The following CREB1 variants were observed in gnomAD, a reference collection of about 807,000 sequenced individuals.
The protein encoded by CREB1 is cyclic AMP-responsive element-binding protein 1.
In CREB1, 2 loss-of-function variants were observed where a neutral mutation model predicts 42.0. The observed-to-expected ratio is 0.05, with a 90% confidence interval of 0.02 to 0.15. The LOEUF (loss-of-function observed/expected upper bound fraction) is 0.15, where lower values mean the gene tolerates loss of function less well. CREB1 is among the 10% of genes least tolerant of loss of function. The pLI, the probability that CREB1 is intolerant of heterozygous loss-of-function variation, is 1.00. For synonymous variants in CREB1, 123 were observed against 139.9 expected, an observed-to-expected ratio of 0.88 and a Z score of 0.85; for missense variants, 199 against 388.9, an observed-to-expected ratio of 0.51 and a Z score of 4.11.
At chr2:207,555,170 G>T (rs2081666004) in intron 1 of CREB1, among the ~76,000 whole-genome samples, 2 of 152,104 alleles carry the variant, frequency 1.3e-5, no homozygotes, top group South Asian at 2.1e-4. Context: ...TCCTTCTTAT[G>T]GGGGGAAATA....
intron 5 of CREB1, among the ~76,000 whole-genome samples, chr2:207,572,801 G>A (rs965750505): frequency 6.7e-5 from 10 of 149,564 alleles, no homozygotes; most frequent in Non-Finnish European, 1.0e-4. Context: ...GGGCAACAGC[G>A]AGACTCCATC....
At chr2:207,570,994 T>G (rs1460794915) in intron 5 of CREB1, among the ~76,000 whole-genome samples, 1 of 149,204 alleles carries the variant, frequency 6.7e-6, no homozygotes, top group Non-Finnish European at 1.5e-5. Context: ...AAAGCATTTG[T>G]GTGAATGGTA....
chr2:207,533,757 G>A (rs1020117360), intron 1 of CREB1, among the ~76,000 whole-genome samples: 1 of 151,692 alleles, frequency 6.6e-6, no homozygotes, highest in Non-Finnish European at 1.5e-5. Flanking sequence ...AGTATCACTT[G>A]AGACAGCAGT....
chr2:207,588,082 A>G (rs1449253649), intron 7 of CREB1, among the ~76,000 whole-genome samples: 2 of 152,132 alleles, frequency 1.3e-5, no homozygotes, highest in Middle Eastern at 3.2e-3. Context: ...ATTTTATGTC[A>G]ACTAAAAATA....
At chr2:207,554,073 G>A (rs997480661) in intron 1 of CREB1, among the ~76,000 whole-genome samples, 1 of 152,082 alleles carries the variant, frequency 6.6e-6, no homozygotes, top group Non-Finnish European at 1.5e-5. Flanking sequence ...ATACTGTTGA[G>A]CTACATCTCT....
chr2:207,530,618 G>A (rs1485331181), intron 1 of CREB1, among the ~76,000 whole-genome samples: 1 of 149,058 alleles, frequency 6.7e-6, no homozygotes, highest in African/African-American at 2.4e-5. Flanking sequence ...GGCCCGACCC[G>A]GCCGGGCCTC....
chr2:207,567,491 C>T lies in CREB1; in HGVS notation c.290C>T (p.Ser97Leu). 2 of 1,610,382 alleles carry T rather than the reference C, an allele frequency of 1.2e-6. No individual in the cohort carries two copies. The highest frequency in any genetic ancestry group is 1.7e-6 in the Non-Finnish European group (2 of 1,177,616). ...QISTIAESED[S>L]QESVDSVTDS... ...TCAACTATTGCAGAAAGTGAAGATT[C>T]ACAGGAGTCAGTGGATAGTGTAACT... The change falls in exon 4 of 8, where the codon TCA becomes TTA. Residue 97 changes from serine (S) to leucine (L), a missense_variant. Physicochemically the swap from Ser to Leu is moderately radical, Grantham distance 145 (BLOSUM62 -2). This residue lies in a region of CREB1 where 66 missense variants were observed against 150.8 expected (regional missense o/e 0.44). Transcript: ENST00000353267.
Position 207,544,979 on chromosome 2 carries a change from G to GT in CREB1, c.-8-10647dup, listed in dbSNP as rs576108159. 6.6e-5 allele frequency among the ~76,000 whole-genome samples: 10 copies of GT among 152,222 alleles called. No homozygotes were observed. The South Asian group carries it at 2.1e-3, about 32-fold the overall frequency. On this transcript the variant is annotated intron_variant, in intron 1 of 7. Transcript: ENST00000353267. ...TAGTCTGTCATTGATGGGCATTTAG[G>GT]TTGATTGCATGTCTTCGCTATTGTG...
Position 207,603,934 on chromosome 2 carries a change from T to C in CREB1, c.*6876T>C, listed in dbSNP as rs1052452642. 2.6e-5 allele frequency among the ~76,000 whole-genome samples: 4 copies of C among 152,236 alleles called. No individual in the cohort carries two copies. Among genetic ancestry groups the C allele is most frequent in the African/African-American group, 4.8e-5 (2 of 41,466 alleles). ...TGAAAATAAGCAGCTGCATTATTTG[T>C]ATGTTTCTTCACTGCCAAGATGTGT... On this transcript the variant is annotated 3_prime_UTR_variant, in exon 8 of 8. Coordinates refer to ENST00000353267, the MANE Select transcript of CREB1 (RefSeq NM_004379.5).
intron 3 of CREB1, 97 bp downstream of exon 3, chr2:207,560,469 T>G: frequency 8.3e-7 from 1 of 1,203,558 alleles, no homozygotes; most frequent in Middle Eastern, 2.0e-4. Flanking sequence ...ACACATCTAG[T>G]TCAGTTTATT....
At position 207,588,536 on chromosome 2, in the gene CREB1, C is replaced by T. The variant is rs115214900; in HGVS notation, c.840-8378C>T. Among the ~76,000 whole-genome samples, 231 of 152,052 alleles carry T rather than the reference C, an allele frequency of 1.5e-3. 1 individual carries two copies. Among genetic ancestry groups the T allele is most frequent in the East Asian group, 5.8e-3 (30 of 5,178 alleles). On this transcript the variant is annotated intron_variant, in intron 7 of 7. Coordinates refer to ENST00000353267, the MANE Select transcript of CREB1 (RefSeq NM_004379.5). ...GCACTTTAATGTATATTTTATAATC[C>T]GCTTGTTGATGTCTACGGAAAGTGT...
At chr2:207,561,150 C>G in intron 3 of CREB1, 1 of 1,612,988 alleles carries the variant, frequency 6.2e-7, no homozygotes. Context: ...AGACTTTTCT[C>G]CGGAACACAG....
intron 6 of CREB1, among the ~76,000 whole-genome samples, chr2:207,575,946 C>CG (rs1553503396): frequency 1.5e-5 from 1 of 68,222 alleles, no homozygotes; most frequent in Non-Finnish European, 3.9e-5. Flanking sequence ...CCCCCCCCCC[C>CG]CCAAAAGAAA....
At chr2:207,577,710 T>A (rs780638968) in intron 7 of CREB1, 55 bp downstream of exon 7, 1 of 1,581,570 alleles carries the variant, frequency 6.3e-7, no homozygotes, top group Admixed American at 1.7e-5. Context: ...CTTCACATTC[T>A]GCTGGATGTG....
chr2:207,568,966 A>G (rs1269799797), intron 4 of CREB1, among the ~76,000 whole-genome samples: 1 of 152,158 alleles, frequency 6.6e-6, no homozygotes, highest in Non-Finnish European at 1.5e-5. Flanking sequence ...CATCCCCAGT[A>G]AATAGCTAAA....
In CREB1 at chr2:207,601,263, T is replaced by G. The variant is rs1265690737; in HGVS notation, c.*4205T>G. 5.4e-6 allele frequency: 1 copy of G among 185,556 alleles called. No individual in the cohort carries two copies. The highest frequency in any genetic ancestry group is 1.1e-5 in the Non-Finnish European group (1 of 87,658). 11.5% of individuals were successfully genotyped at this position (185,556 alleles called of 1,614,324 possible). A position where few individuals can be genotyped will look rare whatever the true frequency, so the allele number is the denominator to read the frequency against. ...AATGTTTGGTGTAACTTGCACTTTT[T>G]TAAATGACCCAGTTTGGGTATTAGC... On this transcript the variant is annotated 3_prime_UTR_variant, in exon 8 of 8. Coordinates refer to ENST00000353267, the MANE Select transcript of CREB1 (RefSeq NM_004379.5).
At chr2:207,567,399 G>A in intron 3 of CREB1, 64 bp from the exon 4 acceptor site, 4 of 1,175,838 alleles carry the variant, frequency 3.4e-6, no homozygotes, top group Non-Finnish European at 4.9e-6. Context: ...TTTTATATTT[G>A]TTTAATAAAA....
chr2:207,590,107 T>A lies in CREB1; in HGVS notation c.840-6807T>A, dbSNP rs201775527. ...AGTTTTTTTTTTTTTTTTTTTTTTT[T>A]AATAGATACGGGATCATTCAGACTA... On this transcript the variant is annotated intron_variant, in intron 7 of 7. Transcript: ENST00000353267. Among the ~76,000 whole-genome samples, 516 of 135,642 alleles carry A rather than the reference T, an allele frequency of 3.8e-3. 1 individual carries two copies. The highest frequency in any genetic ancestry group is 0.012 in the Middle Eastern group (3 of 256). The allele number at this position is 135,642 out of a possible 152,430, so 89.0% of individuals were successfully genotyped here.
rs557019033 is a variant in CREB1, at chr2:207,596,692, G to A, written c.840-222G>A. Among the ~76,000 whole-genome samples the A allele has an allele frequency of 1.9e-3, 283 of 152,244 alleles. 6 individuals are homozygous for A. The highest frequency in any genetic ancestry group is 0.015 in the Admixed American group (230 of 15,294). ...AGGTGATCTCCCTGCCTTGGCCCCC[G>A]AAAGTGCTGGGATTACAGGCGTGAG... On this transcript the variant is annotated intron_variant, in intron 7 of 7. Coordinates refer to ENST00000353267, the MANE Select transcript of CREB1 (RefSeq NM_004379.5).
Sources: gnomAD v4.1 joint callset for allele counts (sites outside exome capture counted in the v4.1 genomes callset) on GRCh38, gnomAD v4.1.1 for gene constraint, gnomAD v4.1.1 regional missense constraint, MANE v1.5 for transcripts, NCBI Gene and HGNC (gene_info 2026-07-23, HGNC 2026-07-21) for gene names.